The following FANCC variants were observed in gnomAD, a reference collection of about 807,000 sequenced individuals.
FANCC encodes the protein FA complementation group C, also known as Fanconi anemia group C protein.
FANCC carries 55 observed loss-of-function variants against 71.3 expected under a neutral mutation model. The ratio of observed to expected loss-of-function variants is 0.77; its 90% confidence interval spans 0.62 to 0.97. The LOEUF is 0.97. Among genes scored for constraint, FANCC ranks in the 50% least tolerant of loss-of-function variants. FANCC has a pLI of 0.00. For missense variants in FANCC, 678 were observed against 670.9 expected (o/e 1.01, Z -0.12); for synonymous variants, 275 against 244.9 (o/e 1.12, Z -1.15).
chr9:95,226,378 A>T (rs1461746392), intron 4 of FANCC, among the ~76,000 whole-genome samples: 1 of 152,248 alleles, frequency 6.6e-6, no homozygotes, highest in Non-Finnish European at 1.5e-5. Flanking sequence ...ACTTTATTGT[A>T]GTCCCTGATC....
intron 1 of FANCC, among the ~76,000 whole-genome samples, chr9:95,278,469 A>G (rs1833174963): frequency 6.6e-6 from 1 of 152,236 alleles, no homozygotes; most frequent in Non-Finnish European, 1.5e-5. Context: ...ATAACCAAGC[A>G]GACCTAACAG....
rs1455417311 is a variant in FANCC, at chr9:95,297,640, A to C, written c.-79+19886T>G. Among the ~76,000 whole-genome samples the C allele has an allele frequency of 5.9e-5, 9 of 152,344 alleles. No homozygotes were observed. In the East Asian group the frequency reaches 1.7e-3, roughly 29 times the overall value. The stretch of plus-strand genomic sequence containing the variant: ...CAGACAGGCTCTCTACTTTGTAATA[A>C]AAACATTAAAACAACACCAAGCATA... On this transcript the variant is annotated intron_variant, in intron 1 of 14. Coordinates refer to ENST00000289081, the MANE Select transcript of FANCC (RefSeq NM_000136.3).
chr9:95,181,598 T>C (rs1826372227), intron 4 of FANCC, among the ~76,000 whole-genome samples: 1 of 152,218 alleles, frequency 6.6e-6, no homozygotes, highest in African/African-American at 2.4e-5. Flanking sequence ...CTCAGTTTAC[T>C]AATGAAGCAC....
intron 1 of FANCC, among the ~76,000 whole-genome samples, chr9:95,281,959 A>C (rs1372144592): frequency 1.3e-5 from 2 of 151,982 alleles, no homozygotes; most frequent in Non-Finnish European, 2.9e-5. Context: ...TACTAGAGAA[A>C]ATCACTTAAC....
At chr9:95,196,606 G>A (rs968361539) in intron 4 of FANCC, among the ~76,000 whole-genome samples, 21 of 152,146 alleles carry the variant, frequency 1.4e-4, no homozygotes, top group Non-Finnish European at 2.4e-4. Flanking sequence ...TAATATTGTC[G>A]TCCTCCAAAG....
intron 4 of FANCC, among the ~76,000 whole-genome samples, chr9:95,196,668 G>C (rs73534866): frequency 0.011 from 1,722 of 152,230 alleles, 31 homozygotes; most frequent in African/African-American, 0.039. Context: ...CCTAATCCAG[G>C]GTCAGTGACT....
At chr9:95,158,856 C>T (rs1240670022) in intron 6 of FANCC, among the ~76,000 whole-genome samples, 3 of 152,144 alleles carry the variant, frequency 2.0e-5, no homozygotes, top group Non-Finnish European at 4.4e-5. Context: ...GCTACACATC[C>T]TGAGGACTCA....
At chr9:95,315,900 G>GT (rs1217981066) in intron 1 of FANCC, among the ~76,000 whole-genome samples, 3 of 152,250 alleles carry the variant, frequency 2.0e-5, no homozygotes, top group Admixed American at 2.0e-4. Context: ...TATGGAACTG[G>GT]TTAAAAGTAC....
chr9:95,172,037 AT>A lies in FANCC; in HGVS notation c.455del (p.Asn152IlefsTer6). ...AAAGTGATAAATTTTAAATACTCAC[AT>A]TTTTAAGCAAACCAGGATAGTAATC... ...PIDYYPGLLK[N>X]MVLSLASELR... On this transcript the variant is annotated frameshift_variant and splice_region_variant, in exon 5 of 15. Coordinates refer to ENST00000289081, the MANE Select transcript of FANCC (RefSeq NM_000136.3). LOFTEE classifies it high-confidence loss of function. The A allele has an allele frequency of 6.3e-7, 1 of 1,585,754 alleles. No individual in the cohort carries two copies. The highest frequency in any genetic ancestry group is 8.7e-7 in the Non-Finnish European group (1 of 1,154,546).
intron 9 of FANCC, 90 bp from the exon 10 acceptor site, chr9:95,125,275 C>T: frequency 2.0e-6 from 2 of 1,022,888 alleles, no homozygotes; most frequent in South Asian, 1.3e-5. Context: ...AGTAGAAACA[C>T]TTTTTTTGTG....
chr9:95,172,742 C>A (rs1021185081), intron 4 of FANCC, among the ~76,000 whole-genome samples: 1 of 151,910 alleles, frequency 6.6e-6, no homozygotes, highest in Non-Finnish European at 1.5e-5. Flanking sequence ...AAAATATACT[C>A]CAGTTTAATG....
At chr9:95,201,549 G>T (rs142864851) in intron 4 of FANCC, among the ~76,000 whole-genome samples, 1 of 152,044 alleles carries the variant, frequency 6.6e-6, no homozygotes, top group East Asian at 1.9e-4. Flanking sequence ...CTTTCCCTCC[G>T]TATTTTCTTC....
intron 4 of FANCC, among the ~76,000 whole-genome samples, chr9:95,188,848 C>A (rs1460284042): frequency 6.6e-6 from 1 of 152,152 alleles, no homozygotes; most frequent in African/African-American, 2.4e-5. Flanking sequence ...CTGCCTGAAT[C>A]CTTTTCTCAT....
rs537781863 is a variant in FANCC at position 95,147,737 on chromosome 9, A to C, written c.686+2186T>G. On this transcript the variant is annotated intron_variant, in intron 7 of 14. Coordinates refer to ENST00000289081, the MANE Select transcript of FANCC (RefSeq NM_000136.3). Reference sequence around the variant, plus strand: ...ACTGTTATGGTGCAAGTTAACTGCCACATCAGTTTGAGACCAATCATTCAG... The same window carrying C: ...ACTGTTATGGTGCAAGTTAACTGCCCCATCAGTTTGAGACCAATCATTCAG... 3.3e-5 allele frequency among the ~76,000 whole-genome samples: 5 copies of C among 152,344 alleles called. No individual in the cohort carries two copies. In the South Asian group the frequency reaches 8.3e-4, roughly 25 times the overall value.
intron 4 of FANCC, among the ~76,000 whole-genome samples, chr9:95,229,655 C>T (rs1829863943): frequency 6.6e-6 from 1 of 152,136 alleles, no homozygotes; most frequent in African/African-American, 2.4e-5. Flanking sequence ...GTTTGAGATA[C>T]TCATGGTCAC....
intron 8 of FANCC, among the ~76,000 whole-genome samples, chr9:95,131,372 G>T (rs1425874514): frequency 6.6e-6 from 1 of 152,118 alleles, no homozygotes; most frequent in Non-Finnish European, 1.5e-5. Flanking sequence ...AGCCTGAGTG[G>T]CAATGACCCC....
At chr9:95,107,485 G>C (rs1022298437) in intron 13 of FANCC, 10 of 618,598 alleles carry the variant, frequency 1.6e-5, no homozygotes, top group Non-Finnish European at 2.9e-5. Context: ...TGCTCACCAA[G>C]CAGTCAGGGC....
chr9:95,200,002 A>G (rs1827707313), intron 4 of FANCC, among the ~76,000 whole-genome samples: 1 of 152,166 alleles, frequency 6.6e-6, no homozygotes, highest in Non-Finnish European at 1.5e-5. Flanking sequence ...ACTGATAATA[A>G]TATGTATTTT....
intron 4 of FANCC, among the ~76,000 whole-genome samples, chr9:95,196,803 T>C (rs1281833341): frequency 3.3e-5 from 5 of 152,184 alleles, no homozygotes; most frequent in African/African-American, 4.8e-5. Context: ...ATGTGCTCAG[T>C]TGGCAGACCA....
Sources: allele counts gnomAD v4.1 joint callset (sites outside exome capture counted in the v4.1 genomes callset), GRCh38; gene constraint gnomAD v4.1.1; transcripts MANE v1.5; gene names NCBI Gene and HGNC (gene_info 2026-07-23, HGNC 2026-07-21).